TEX14: variants seen among roughly 807,000 people sequenced by gnomAD.
The protein encoded by TEX14 is testis expressed 14, intercellular bridge forming factor, also known as inactive serine/threonine-protein kinase TEX14.
A neutral mutation model predicts 178.6 loss-of-function variants in TEX14; 168 were observed. The observed-to-expected ratio is 0.94, with a 90% CI of 0.83 to 1.07. The LOEUF (loss-of-function observed/expected upper bound fraction) is 1.07. Ranked by LOEUF, TEX14 falls within the 50% of genes least tolerant of loss-of-function variation. The pLI is 0.00. For missense variants in TEX14, 1,730 were observed against 1,753.6 expected (o/e 0.99, Z 0.24); for synonymous variants, 626 against 634.1 (o/e 0.99, Z 0.19).
chr17:58,624,864 T>G (rs1216023123), intron 3 of TEX14, among the ~76,000 whole-genome samples: 1 of 152,192 alleles, frequency 6.6e-6, no homozygotes, highest in Non-Finnish European at 1.5e-5. Flanking sequence ...CACCTTACAC[T>G]GACTGAAACA....
intron 3 of TEX14, 29 bp downstream of exon 3, chr17:58,630,411 T>A: frequency 6.6e-7 from 1 of 1,508,322 alleles, no homozygotes; most frequent in Non-Finnish European, 9.2e-7. Flanking sequence ...CAACCCCTAT[T>A]TTCTAGACAT....
chr17:58,636,842 G>A (rs2046443335), intron 2 of TEX14, among the ~76,000 whole-genome samples: 1 of 151,996 alleles, frequency 6.6e-6, no homozygotes, highest in Non-Finnish European at 1.5e-5. Flanking sequence ...GAACTCGGGA[G>A]GCAGAGGTTG....
chr17:58,639,716 G>T (rs1005193460), intron 2 of TEX14, among the ~76,000 whole-genome samples: 1 of 152,136 alleles, frequency 6.6e-6, no homozygotes, highest in African/African-American at 2.4e-5. Flanking sequence ...ACAGTTTAAG[G>T]AAAGGGTGGG....
chr17:58,682,887 C>T (rs1598438925), intron 1 of TEX14, among the ~76,000 whole-genome samples: 1 of 151,966 alleles, frequency 6.6e-6, no homozygotes, highest in East Asian at 1.9e-4. Context: ...TCCTGCATAC[C>T]TTAATATCCT....
intron 9 of TEX14, among the ~76,000 whole-genome samples, chr17:58,612,406 T>C (rs1005645412): frequency 6.6e-6 from 1 of 151,670 alleles, no homozygotes; most frequent in Admixed American, 6.6e-5. Flanking sequence ...CTGGGCAACA[T>C]AGTGGGACCA....
chr17:58,592,750 G>A (rs955893209), intron 15 of TEX14, among the ~76,000 whole-genome samples: 1 of 152,040 alleles, frequency 6.6e-6, no homozygotes, highest in Non-Finnish European at 1.5e-5. Flanking sequence ...TGTTGGCCAG[G>A]CTGCTCTCGA....
chr17:58,568,656 C>T (rs1030191139), intron 26 of TEX14, among the ~76,000 whole-genome samples: 26 of 152,356 alleles, frequency 1.7e-4, no homozygotes, highest in African/African-American at 6.3e-4. Context: ...GCCAGCCAAT[C>T]AGCTGCAAAT....
intron 11 of TEX14, among the ~76,000 whole-genome samples, chr17:58,603,851 C>CAA (rs1248380277): frequency 2.3e-5 from 2 of 86,656 alleles, no homozygotes; most frequent in Admixed American, 1.3e-4. Flanking sequence ...GAGACTCTGT[C>CAA]AAAAAAAAAA....
At chr17:58,598,250 G>A (rs1476413261) in intron 14 of TEX14, among the ~76,000 whole-genome samples, 1 of 151,190 alleles carries the variant, frequency 6.6e-6, no homozygotes, top group East Asian at 1.9e-4. Flanking sequence ...ACAGGTGGAG[G>A]TTGTGGTGAG....
At chr17:58,570,519 T>C (rs774461368) in intron 24 of TEX14, 35 bp from the exon 25 acceptor site, 1 of 1,464,724 alleles carries the variant, frequency 6.8e-7, no homozygotes, top group South Asian at 1.4e-5. Context: ...AACTGTCATG[T>C]GTGTTGAGCT....
chr17:58,573,009 C>T (rs2044575871), intron 23 of TEX14, among the ~76,000 whole-genome samples, 172 bp downstream of exon 23: 1 of 152,282 alleles, frequency 6.6e-6, no homozygotes, highest in African/African-American at 2.4e-5. Context: ...TCACCACCAC[C>T]ATCACCCCGC....
intron 1 of TEX14, among the ~76,000 whole-genome samples, chr17:58,678,343 A>G (rs576772738): frequency 6.6e-6 from 1 of 152,350 alleles, no homozygotes; most frequent in Admixed American, 6.5e-5. Context: ...CCAAAGGATT[A>G]TAAATCATGC....
intron 7 of TEX14, among the ~76,000 whole-genome samples, chr17:58,615,965 A>G (rs1013238702): frequency 8.5e-5 from 13 of 152,332 alleles, no homozygotes; most frequent in African/African-American, 3.1e-4. Flanking sequence ...ACTTCTAAAC[A>G]TTCTACAATG....
intron 14 of TEX14, among the ~76,000 whole-genome samples, chr17:58,595,941 T>C (rs1368404103): frequency 6.6e-6 from 1 of 152,206 alleles, no homozygotes; most frequent in Non-Finnish European, 1.5e-5. Context: ...TCCCAACACT[T>C]TGGGAGGCCA....
In TEX14 at chr17:58,676,031, C is replaced by T. The variant is rs960931621; in HGVS notation, c.-2+15908G>A. ...GAGGTTAATGGATCACCTGAAGTCA[C>T]GAGTTCGAGACCAGCCTGACCAACA... On this transcript the variant is annotated intron_variant, in intron 1 of 31. Coordinates refer to ENST00000349033, the MANE Select transcript of TEX14 (RefSeq NM_031272.5). Among the ~76,000 whole-genome samples the T allele has an allele frequency of 4.6e-5, 7 of 152,148 alleles. No homozygotes were observed. In the East Asian group the frequency reaches 9.7e-4, roughly 21 times the overall value.
chr17:58,602,934 C>T (rs951236538), intron 11 of TEX14, among the ~76,000 whole-genome samples: 4 of 151,906 alleles, frequency 2.6e-5, no homozygotes, highest in Admixed American at 1.3e-4. Context: ...GGCGTGGTGG[C>T]GCACACCTGC....
At chr17:58,647,761 C>T (rs563563957) in intron 2 of TEX14, among the ~76,000 whole-genome samples, 2 of 152,122 alleles carry the variant, frequency 1.3e-5, no homozygotes, top group South Asian at 4.2e-4. Context: ...GTGGTGCAAC[C>T]TTGGCTCACT....
chr17:58,632,804 G>A (rs2046352219), intron 2 of TEX14, among the ~76,000 whole-genome samples: 1 of 152,090 alleles, frequency 6.6e-6, no homozygotes, highest in South Asian at 2.1e-4. Flanking sequence ...CTTATAAGGG[G>A]GATAATGAAA....
Position 58,623,029 on chromosome 17 carries a change from G to T in TEX14, c.252-17C>A, listed in dbSNP as rs1276824721. 1.9e-6 allele frequency: 3 copies of T among 1,580,840 alleles called. No individual in the cohort carries two copies. The East Asian group carries it at 6.8e-5, about 36-fold the overall frequency. On this transcript the variant is annotated splice_polypyrimidine_tract_variant and intron_variant, in intron 3 of 31. Transcript: ENST00000349033. ...AAGCAGCGGCTGGGGAGGGAGATGA[G>T]TACAATTGATGTCCATGGCAATGCT...
Sources: gnomAD v4.1 joint callset for allele counts (sites outside exome capture counted in the v4.1 genomes callset) on GRCh38, gnomAD v4.1.1 for gene constraint, MANE v1.5 for transcripts, NCBI Gene and HGNC (gene_info 2026-07-23, HGNC 2026-07-21) for gene names.